CCR4: variants seen among roughly 807,000 people sequenced by gnomAD.
CCR4 encodes the protein C-C motif chemokine receptor 4, also known as C-C chemokine receptor type 4.
A neutral mutation model predicts 17.1 loss-of-function variants in CCR4; 9 were observed. That is an observed-to-expected ratio of 0.53 (90% confidence interval 0.32 to 0.92). The LOEUF (loss-of-function observed/expected upper bound fraction) is 0.92. CCR4 is among the 40% of genes least tolerant of loss of function. The probability of loss-of-function intolerance (pLI) is 0.04; values close to 1 mark genes in which losing one functional copy is unlikely to be tolerated. For missense variants in CCR4, 385 were observed against 433.9 expected, an observed-to-expected ratio of 0.89 and a Z score of 1.00; for synonymous variants, 217 against 174.3, an observed-to-expected ratio of 1.24 and a Z score of -1.93.
chr3:32,953,665 T>C lies in CCR4; in HGVS notation c.243T>C (p.Leu81=). The change falls in exon 2 of 2, where the codon CTT becomes CTC. Residue 81 remains leucine, a synonymous_variant. Coordinates refer to ENST00000330953, the MANE Select transcript of CCR4 (RefSeq NM_005508.5). ...TGACTGATGTGTACCTGCTCAACCT[T>C]GCCATCTCGGATCTGCTCTTCGTGT... ...RSMTDVYLLN[L]AISDLLFVFS... 1 of 1,614,096 alleles carries C rather than the reference T, an allele frequency of 6.2e-7. No individual in the cohort carries two copies. Among genetic ancestry groups the C allele is most frequent in the Non-Finnish European group, 8.5e-7 (1 of 1,180,026 alleles).
Position 32,954,722 on chromosome 3 carries a change from C to G in CCR4, c.*217C>G, listed in dbSNP as rs959448877. 3 of 506,228 alleles carry G rather than the reference C, an allele frequency of 5.9e-6. No individual in the cohort carries two copies. Among genetic ancestry groups the G allele is most frequent in the African/African-American group, 1.9e-5 (1 of 51,366 alleles). 31.4% of individuals were successfully genotyped at this position (506,228 alleles called of 1,614,324 possible). A position where few individuals can be genotyped will look rare whatever the true frequency, so the allele number is the denominator to read the frequency against. On this transcript the variant is annotated 3_prime_UTR_variant, in exon 2 of 2. Coordinates refer to ENST00000330953, the MANE Select transcript of CCR4 (RefSeq NM_005508.5). Reference sequence around the variant, plus strand: ...CTGGGCTGAGGCATCCTTCCTCACACCAGGCTTGCCTGCAGGCATGAGTCA... The same window carrying G: ...CTGGGCTGAGGCATCCTTCCTCACAGCAGGCTTGCCTGCAGGCATGAGTCA...
chr3:32,953,944 G>GT lies in CCR4; in HGVS notation c.524dup (p.Ser176GlnfsTer6). 1 of 1,614,054 alleles carries GT rather than the reference G, an allele frequency of 6.2e-7. No individual in the cohort carries two copies. On this transcript the variant is annotated frameshift_variant, in exon 2 of 2. Coordinates refer to ENST00000330953, the MANE Select transcript of CCR4 (RefSeq NM_005508.5). LOFTEE classifies it high-confidence loss of function. Reference sequence around the variant, plus strand: ...TGTTCGCCTCCCTTCCTGGCTTTCTGTTCAGCACTTGTTATACTGAGCGCA... The same window carrying GT: ...TGTTCGCCTCCCTTCCTGGCTTTCTGTTTCAGCACTTGTTATACTGAGCGCA...
At position 32,953,800 on chromosome 3, in the gene CCR4, C is replaced by A; in HGVS notation, c.378C>A (p.Phe126Leu). 1 of 1,614,086 alleles carries A rather than the reference C, an allele frequency of 6.2e-7. No homozygotes were observed. Among genetic ancestry groups the A allele is most frequent in the Non-Finnish European group, 8.5e-7 (1 of 1,180,028 alleles). ...MYLVGFYSGI[F>L]FVMLMSIDRY... ...TGGTGGGCTTTTACAGTGGCATATT[C>A]TTTGTCATGCTCATGAGCATTGATA... is the stretch of plus-strand genomic sequence containing the variant. Residue 126 changes from phenylalanine to leucine, a missense_variant, in exon 2 of 2, where the codon TTC becomes TTA. Phe to Leu is a conservative substitution (Grantham distance 22). Transcript: ENST00000330953.
At position 32,954,881 on chromosome 3, in the gene CCR4, G is replaced by A. The variant is rs188417194; in HGVS notation, c.*376G>A. The A allele has an allele frequency of 5.4e-6, 1 of 186,722 alleles. No individual in the cohort carries two copies. The highest frequency in any genetic ancestry group is 6.2e-5 in the Admixed American group (1 of 16,132). The allele number at this position is 186,722 out of a possible 1,614,324, so 11.6% of individuals were successfully genotyped here. ...AGAGTACTGGCTGATGGAGTAAATC[G>A]CTACCTTTTGCTGTGGCAAATGGGC... is the stretch of plus-strand genomic sequence containing the variant. On this transcript the variant is annotated 3_prime_UTR_variant, in exon 2 of 2. Transcript: ENST00000330953.
intron 1 of CCR4, among the ~76,000 whole-genome samples, 168 bp downstream of exon 1, chr3:32,951,858 C>T (rs1697678331): frequency 6.6e-6 from 1 of 151,980 alleles, no homozygotes; most frequent in Non-Finnish European, 1.5e-5. Flanking sequence ...ATCTGATGGG[C>T]ACTAATTTAT....
Position 32,953,634 on chromosome 3 carries a change from G to C in CCR4, c.212G>C (p.Arg71Thr). ...GTCCTGTTCAAATACAAGCGGCTCA[G>C]GTCCATGACTGATGTGTACCTGCTC... ...VLVLFKYKRL[R>T]SMTDVYLLNL... is the part of the protein sequence containing the mutation. The change falls in exon 2 of 2, where the codon AGG (arginine) becomes ACG (threonine). Residue 71 changes from arginine (R) to threonine (T), a missense_variant. Physicochemically the swap from Arg to Thr is moderately conservative, Grantham distance 71. Coordinates refer to ENST00000330953, the MANE Select transcript of CCR4 (RefSeq NM_005508.5). The C allele has an allele frequency of 6.2e-7, 1 of 1,613,958 alleles. No individual in the cohort carries two copies. Among genetic ancestry groups the C allele is most frequent in the Non-Finnish European group, 8.5e-7 (1 of 1,180,026 alleles).
rs916558373 is a variant in CCR4 at position 32,954,001 on chromosome 3, C to G, written c.579C>G (p.Leu193=). Residue 193 remains leucine (L), a synonymous_variant, in exon 2 of 2, where the codon CTC becomes CTG. Coordinates refer to ENST00000330953, the MANE Select transcript of CCR4 (RefSeq NM_005508.5). ...NHTYCKTKYS[L]NSTTWKVLSS... ...CCTACTGCAAAACCAAGTACTCTCT[C>G]AACTCCACGACGTGGAAGGTTCTCA... The G allele has an allele frequency of 1.2e-6, 2 of 1,614,036 alleles. No individual in the cohort carries two copies. The highest frequency in any genetic ancestry group is 2.7e-5 in the African/African-American group (2 of 74,920).
At position 32,953,489 on chromosome 3, in the gene CCR4, G is replaced by A. The variant is rs372751076; in HGVS notation, c.67G>A (p.Glu23Lys). ...CATATACAGCAATTACTATCTGTAT[G>A]AAAGTATCCCCAAGCCTTGCACCAA... ...ESIYSNYYLY[E>K]SIPKPCTKEG... The change falls in exon 2 of 2, where the codon GAA (glutamate) becomes AAA (lysine). Residue 23 changes from glutamate to lysine, a missense_variant. Transcript: ENST00000330953. 8 of 1,613,922 alleles carry A rather than the reference G, an allele frequency of 5.0e-6. No homozygotes were observed. In the African/African-American group the frequency reaches 6.7e-5, roughly 13 times the overall value.
chr3:32,951,784 T>A (rs1469301333), intron 1 of CCR4, 94 bp downstream of exon 1: 3 of 152,586 alleles, frequency 2.0e-5, no homozygotes, highest in Non-Finnish European at 4.4e-5. Flanking sequence ...GTCTAGGGCT[T>A]ACACTTGGCA....
In CCR4 at chr3:32,953,726, C is replaced by G; in HGVS notation, c.304C>G (p.Gln102Glu). 2 of 1,614,006 alleles carry G rather than the reference C, an allele frequency of 1.2e-6. No homozygotes were observed. Among genetic ancestry groups the G allele is most frequent in the African/African-American group, 1.3e-5 (1 of 74,982 alleles). ...TTTTTGGGGCTACTATGCAGCAGAC[C>G]AGTGGGTTTTTGGGCTAGGTCTGTG... Reference protein sequence around the residue: ...LPFWGYYAADQWVFGLGLCKM... With the variant: ...LPFWGYYAADEWVFGLGLCKM... Residue 102 changes from glutamine to glutamate, a missense_variant, in exon 2 of 2, where the codon CAG (glutamine) becomes GAG (glutamate). Gln to Glu is a conservative substitution (Grantham distance 29, BLOSUM62 2). Transcript: ENST00000330953.
chr3:32,952,768 C>T (rs1290954895), intron 1 of CCR4, among the ~76,000 whole-genome samples: 2 of 152,190 alleles, frequency 1.3e-5, no homozygotes, highest in African/African-American at 2.4e-5. Flanking sequence ...ATACACATGT[C>T]AGCATGTGAT....
chr3:32,954,440 G>C lies in CCR4; in HGVS notation c.1018G>C (p.Ala340Pro). 1.3e-6 allele frequency: 2 copies of C among 1,589,870 alleles called. No homozygotes were observed. The highest frequency in any genetic ancestry group is 1.7e-6 in the Non-Finnish European group (2 of 1,170,412). Residue 340 changes from alanine (A) to proline (P), a missense_variant, in exon 2 of 2, where the codon GCT (alanine) becomes CCT (proline). Coordinates refer to ENST00000330953, the MANE Select transcript of CCR4 (RefSeq NM_005508.5). ...QYCGLLQIYS[A>P]DTPSSSYTQS... ...CTGTGGGCTCCTCCAAATTTACTCT[G>C]CTGACACCCCCAGCTCATCTTACAC...
rs376014628 is a variant in CCR4 at position 32,953,683 on chromosome 3, C to G, written c.261C>G (p.Leu87=). The G allele has an allele frequency of 1.5e-5, 24 of 1,613,998 alleles. No homozygotes were observed. Among genetic ancestry groups the G allele is most frequent in the African/African-American group, 4.0e-5 (3 of 74,904 alleles). The stretch of plus-strand genomic sequence containing the variant: ...TCAACCTTGCCATCTCGGATCTGCT[C>G]TTCGTGTTTTCCCTCCCTTTTTGGG... ...YLLNLAISDL[L]FVFSLPFWGY... Residue 87 remains leucine, a synonymous_variant, in exon 2 of 2, where the codon CTC becomes CTG. Coordinates refer to ENST00000330953, the MANE Select transcript of CCR4 (RefSeq NM_005508.5).
chr3:32,954,700 G>C lies in CCR4; in HGVS notation c.*195G>C. ...GTCCAGCCTGGCAAGGGTTCACCTGGGCTGAGGCATCCTTCCTCACACCAG... is the reference window on the plus strand; with the variant it reads ...GTCCAGCCTGGCAAGGGTTCACCTGCGCTGAGGCATCCTTCCTCACACCAG... On this transcript the variant is annotated 3_prime_UTR_variant, in exon 2 of 2. Transcript: ENST00000330953. 1.8e-6 allele frequency: 1 copy of C among 552,150 alleles called. No individual in the cohort carries two copies. Among genetic ancestry groups the C allele is most frequent in the Non-Finnish European group, 3.1e-6 (1 of 321,414 alleles). The allele number at this position is 552,150 out of a possible 1,614,324, so 34.2% of individuals were successfully genotyped here.
intron 1 of CCR4, among the ~76,000 whole-genome samples, chr3:32,953,097 C>T (rs1178460002): frequency 2.6e-5 from 4 of 152,098 alleles, no homozygotes; most frequent in Non-Finnish European, 2.9e-5. Context: ...GGGGGTTTTA[C>T]GATCCTCACT....
Position 32,954,288 on chromosome 3 carries a change from C to T in CCR4, c.866C>T (p.Thr289Ile). 1 of 1,614,060 alleles carries T rather than the reference C, an allele frequency of 6.2e-7. No individual in the cohort carries two copies. The change falls in exon 2 of 2, where the codon ACA becomes ATA. Residue 289 changes from threonine (T) to isoleucine (I), a missense_variant. Transcript: ENST00000330953. The stretch of plus-strand genomic sequence containing the variant: ...TACTTGGACTATGCCATCCAGGCCA[C>T]AGAAACTCTGGCTTTTGTTCACTGC... ...ERYLDYAIQA[T>I]ETLAFVHCCL... is the part of the protein sequence containing the mutation.
rs779696984 is a variant in CCR4 at position 32,953,497 on chromosome 3, C to T, written c.75C>T (p.Ile25=). The T allele has an allele frequency of 4.3e-6, 7 of 1,613,946 alleles. No individual in the cohort carries two copies. In the African/African-American group the frequency reaches 5.3e-5, roughly 12 times the overall value. Residue 25 remains isoleucine (I), a synonymous_variant, in exon 2 of 2, where the codon ATC becomes ATT. Coordinates refer to ENST00000330953, the MANE Select transcript of CCR4 (RefSeq NM_005508.5). ...IYSNYYLYES[I]PKPCTKEGIK... is the part of the protein sequence containing the mutation. ...GCAATTACTATCTGTATGAAAGTATCCCCAAGCCTTGCACCAAAGAAGGCA... is the reference window on the plus strand; with the variant it reads ...GCAATTACTATCTGTATGAAAGTATTCCCAAGCCTTGCACCAAAGAAGGCA...
intron 1 of CCR4, among the ~76,000 whole-genome samples, chr3:32,952,312 A>T (rs149442223): frequency 1.3e-5 from 2 of 151,382 alleles, no homozygotes; most frequent in African/African-American, 4.9e-5. Context: ...TTGAAGTGCA[A>T]TGGTGCCATC....
Position 32,954,417 on chromosome 3 carries a change from G to T in CCR4, c.995G>T (p.Cys332Phe). 1 of 1,603,042 alleles carries T rather than the reference G, an allele frequency of 6.2e-7. No homozygotes were observed. The highest frequency in any genetic ancestry group is 8.5e-7 in the Non-Finnish European group (1 of 1,176,154). Residue 332 changes from cysteine (C) to phenylalanine (F), a missense_variant, in exon 2 of 2, where the codon TGT becomes TTT. Coordinates refer to ENST00000330953, the MANE Select transcript of CCR4 (RefSeq NM_005508.5). ...CRGLFVLCQY[C>F]GLLQIYSADT... ...GGCCTTTTTGTGCTCTGCCAATACT[G>T]TGGGCTCCTCCAAATTTACTCTGCT...
Sources: allele counts gnomAD v4.1 joint callset (sites outside exome capture counted in the v4.1 genomes callset), GRCh38; gene constraint gnomAD v4.1.1; transcripts MANE v1.5; gene names NCBI Gene and HGNC (gene_info 2026-07-23, HGNC 2026-07-21).